The following C7orf57 variants were observed in gnomAD, a reference collection of about 807,000 sequenced individuals.
C7orf57 encodes the protein uncharacterized protein C7orf57.
A neutral mutation model predicts 39.0 loss-of-function variants in C7orf57; 33 were observed. The ratio of observed to expected loss-of-function variants is 0.85; its 90% CI spans 0.64 to 1.13. The LOEUF (loss-of-function observed/expected upper bound fraction) is 1.13. C7orf57 is among the 50% of genes most tolerant of loss of function. C7orf57 has a pLI of 0.00. For missense variants in C7orf57, 346 were observed against 362.3 expected, an observed-to-expected ratio of 0.95 and a Z score of 0.37; for synonymous variants, 124 against 137.1, an observed-to-expected ratio of 0.90 and a Z score of 0.67.
intron 1 of C7orf57, among the ~76,000 whole-genome samples, 161 bp from the exon 2 acceptor site, chr7:48,036,047 G>A (rs567970495): frequency 4.6e-5 from 7 of 151,914 alleles, no homozygotes; most frequent in East Asian, 1.9e-4. Flanking sequence ...GCTGTATACC[G>A]GCGTGATGTG....
At chr7:48,045,332 T>C (rs895110525) in intron 4 of C7orf57, among the ~76,000 whole-genome samples, 1 of 152,206 alleles carries the variant, frequency 6.6e-6, no homozygotes, top group Non-Finnish European at 1.5e-5. Flanking sequence ...GTGGGCTTTT[T>C]CCTGCCGAGA....
chr7:48,056,646 T>G (rs1791124041), intron 8 of C7orf57, among the ~76,000 whole-genome samples: 3 of 152,252 alleles, frequency 2.0e-5, no homozygotes, highest in East Asian at 1.9e-4. Context: ...TTTGGGATGC[T>G]CAACCAGTAA....
intron 6 of C7orf57, among the ~76,000 whole-genome samples, chr7:48,050,211 G>C (rs776992357): frequency 6.6e-6 from 1 of 152,150 alleles, no homozygotes; most frequent in Non-Finnish European, 1.5e-5. Context: ...CTGCAGGTTG[G>C]CAGTGTGGAG....
At chr7:48,051,379 C>T (rs1390480726) in intron 6 of C7orf57, among the ~76,000 whole-genome samples, 3 of 90,638 alleles carry the variant, frequency 3.3e-5, no homozygotes, top group African/African-American at 1.8e-4. Context: ...GAGACAGAGT[C>T]TCACTCTGTC....
Position 48,041,319 on chromosome 7 carries a change from C to A in C7orf57, c.56-15C>A, listed in dbSNP as rs368589497. 3 of 1,600,574 alleles carry A rather than the reference C, an allele frequency of 1.9e-6. No individual in the cohort carries two copies. Among genetic ancestry groups the A allele is most frequent in the African/African-American group, 1.3e-5 (1 of 74,560 alleles). On this transcript the variant is annotated splice_polypyrimidine_tract_variant and intron_variant, in intron 2 of 8. Transcript: ENST00000348904. ...ACACAGCAACAGTGTGGCCCTCCGC[C>A]TCTCTCCTCTATAGATTGGTATTAC...
chr7:48,038,169 C>A (rs1790439417), intron 2 of C7orf57, among the ~76,000 whole-genome samples: 1 of 151,926 alleles, frequency 6.6e-6, no homozygotes, highest in African/African-American at 2.4e-5. Context: ...TATTTAATGT[C>A]TTTTACATAC....
chr7:48,056,239 C>T (rs1791112258), intron 8 of C7orf57, among the ~76,000 whole-genome samples: 1 of 151,998 alleles, frequency 6.6e-6, no homozygotes, highest in South Asian at 2.1e-4. Flanking sequence ...TTGTATATAC[C>T]TGTTGGCCAT....
intron 8 of C7orf57, among the ~76,000 whole-genome samples, chr7:48,059,496 G>A (rs1791228115): frequency 6.6e-6 from 1 of 152,154 alleles, no homozygotes; most frequent in African/African-American, 2.4e-5. Flanking sequence ...GACTACGGGT[G>A]CATGCCACCA....
At chr7:48,043,347 T>C in intron 3 of C7orf57, 134 bp from the exon 4 acceptor site, 1 of 661,028 alleles carries the variant, frequency 1.5e-6, no homozygotes, top group Non-Finnish European at 2.7e-6. Flanking sequence ...GATGCTCTGT[T>C]AGTCCCTGGA....
At position 48,060,509 on chromosome 7, in the gene C7orf57, A is replaced by G. The variant is rs1583829280; in HGVS notation, c.*237A>G. On this transcript the variant is annotated 3_prime_UTR_variant, in exon 9 of 9. Coordinates refer to ENST00000348904, the MANE Select transcript of C7orf57 (RefSeq NM_001100159.3). ...AACAAACACAACTAAGGCCTCTGGT[A>G]CCCTCTGCCCTGCTGGCCTGGTGAT... The G allele has an allele frequency of 2.6e-6, 1 of 379,496 alleles. No individual in the cohort carries two copies. Among genetic ancestry groups the G allele is most frequent in the East Asian group, 4.4e-5 (1 of 22,894 alleles). The allele number at this position is 379,496 out of a possible 1,614,324, so 23.5% of individuals were successfully genotyped here. A position where few individuals can be genotyped will look rare whatever the true frequency, so the allele number is the denominator to read the frequency against.
At chr7:48,040,624 G>GGAGAGC (rs1212619646) in intron 2 of C7orf57, among the ~76,000 whole-genome samples, 3 of 152,042 alleles carry the variant, frequency 2.0e-5, no homozygotes, top group African/African-American at 7.2e-5. Context: ...AGAGGGAGAG[G>GGAGAGC]GAGAGTGATA....
In C7orf57 at chr7:48,035,664, G is replaced by C. The variant is rs1327841234; in HGVS notation, c.-102+34G>C. On this transcript the variant is annotated intron_variant, in intron 1 of 8. Coordinates refer to ENST00000348904, the MANE Select transcript of C7orf57 (RefSeq NM_001100159.3). The surrounding 1 kb of genome is among the most constrained non-coding windows in gnomAD (Gnocchi z 4.0). ...GAGCGGGCTGGAGGACAATGGGGGC[G>C]CCCACTGTGGTCCCGGGCCTTGTCC... The C allele has an allele frequency of 1.6e-6, 1 of 641,758 alleles. No individual in the cohort carries two copies. The highest frequency in any genetic ancestry group is 2.8e-6 in the Non-Finnish European group (1 of 354,924). The allele number at this position is 641,758 out of a possible 1,614,324, so 39.8% of individuals were successfully genotyped here.
Position 48,049,885 on chromosome 7 carries a change from G to A in C7orf57, c.513G>A (p.Arg171=). 1 of 1,613,472 alleles carries A rather than the reference G, an allele frequency of 6.2e-7. No individual in the cohort carries two copies. The highest frequency in any genetic ancestry group is 8.5e-7 in the Non-Finnish European group (1 of 1,179,610). ...EELEKEKKKL[R]LPAIDSKYLS... is the part of the protein sequence containing the mutation. ...TTGTGTGTTTCCTCACACAGCTGAG[G>A]CTACCGGCCATTGACTCAAAGTATC... The change falls in exon 6 of 9, where the codon AGG becomes AGA. Residue 171 remains arginine, a synonymous_variant. Transcript: ENST00000348904.
intron 7 of C7orf57, 125 bp from the exon 8 acceptor site, chr7:48,054,470 T>G (rs1013262543): frequency 3.0e-6 from 2 of 664,400 alleles, no homozygotes; most frequent in East Asian, 3.1e-5. Context: ...ATGTCAAGAG[T>G]GTTTTATGAC....
At position 48,060,921 on chromosome 7, in the gene C7orf57, T is replaced by C. The variant is rs1179339711; in HGVS notation, c.*649T>C. On this transcript the variant is annotated 3_prime_UTR_variant, in exon 9 of 9. Transcript: ENST00000348904. ...TGTTTTAATATTTAATTTAGTAGAA[T>C]TAACAAAAACTTTTTAATAGTCAAA... 6.6e-6 allele frequency: 1 copy of C among 152,130 alleles called. No homozygotes were observed. Among genetic ancestry groups the C allele is most frequent in the Non-Finnish European group, 1.5e-5 (1 of 67,994 alleles). 9.4% of individuals were successfully genotyped at this position (152,130 alleles called of 1,614,324 possible).
rs1790331620 is a variant in C7orf57, at chr7:48,035,719, C to T, written c.-102+89C>T. The T allele has an allele frequency of 5.1e-6, 3 of 586,118 alleles. No individual in the cohort carries two copies. The highest frequency in any genetic ancestry group is 5.9e-5 in the Admixed American group (2 of 33,846). 36.3% of individuals were successfully genotyped at this position (586,118 alleles called of 1,614,324 possible). Reference sequence around the variant, plus strand: ...TGCGGAGCTCGCAGTGCGGGCAGTGCGCGCCGGGGCTGGAGGGAGGGGACC... The same window carrying T: ...TGCGGAGCTCGCAGTGCGGGCAGTGTGCGCCGGGGCTGGAGGGAGGGGACC... On this transcript the variant is annotated intron_variant, in intron 1 of 8. Transcript: ENST00000348904. The surrounding 1 kb of genome is among the most constrained non-coding windows in gnomAD (Gnocchi z 4.0).
Position 48,051,819 on chromosome 7 carries a change from CTT to C in C7orf57, c.606-879_606-878del, listed in dbSNP as rs200429839. On this transcript the variant is annotated intron_variant, in intron 6 of 8. Coordinates refer to ENST00000348904, the MANE Select transcript of C7orf57 (RefSeq NM_001100159.3). ...CTTTCCTTCCTTCCTTTTCTCTTCT[CTT>C]TCTTTCTTTCTTTCTTTCTTTCTTT... Among the ~76,000 whole-genome samples the C allele has an allele frequency of 7.0e-4, 8 of 11,468 alleles. 1 individual carries two copies. The highest frequency in any genetic ancestry group is 1.7e-3 in the East Asian group (1 of 594). 7.5% of individuals were successfully genotyped at this position (11,468 alleles called of 152,430 possible).
chr7:48,051,298 C>A lies in C7orf57; in HGVS notation c.605+1321C>A, dbSNP rs560338450. On this transcript the variant is annotated intron_variant, in intron 6 of 8. Coordinates refer to ENST00000348904, the MANE Select transcript of C7orf57 (RefSeq NM_001100159.3). ...TCAGGTTCAAGTGATTCTCCTGCCT[C>A]AGCCTCCCAAGTAGCGGGACTATAG... is the stretch of plus-strand genomic sequence containing the variant. Among the ~76,000 whole-genome samples, 882 of 151,154 alleles carry A rather than the reference C, an allele frequency of 5.8e-3. 4 individuals are homozygous for A. The highest frequency in any genetic ancestry group is 0.027 in the Middle Eastern group (8 of 292).
At chr7:48,052,584 T>G in intron 6 of C7orf57, 116 bp from the exon 7 acceptor site, 7 of 770,382 alleles carry the variant, frequency 9.1e-6, no homozygotes, top group South Asian at 5.3e-5. Flanking sequence ...GAGAGAGAGG[T>G]TTGTTAGGTT....
Sources: allele counts gnomAD v4.1 joint callset (sites outside exome capture counted in the v4.1 genomes callset), GRCh38; gene constraint gnomAD v4.1.1; non-coding constraint Gnocchi (gnomAD v3.1); transcripts MANE v1.5; gene names NCBI Gene and HGNC (gene_info 2026-07-23, HGNC 2026-07-21).